NPDC1: variants seen among roughly 807,000 people sequenced by gnomAD.
NPDC1 encodes the protein neural proliferation, differentiation and control 1.
Under a neutral mutation model 32.5 loss-of-function variants are expected in NPDC1, and 18 were observed. The ratio of observed to expected loss-of-function variants is 0.55; its 90% CI spans 0.38 to 0.82. The LOEUF (loss-of-function observed/expected upper bound fraction) is 0.82. Ranked by LOEUF, NPDC1 falls within the 40% of genes least tolerant of loss-of-function variation. The pLI is 0.00. For synonymous variants in NPDC1, 210 were observed against 184.7 expected (o/e 1.14, Z -1.11); for missense variants, 468 against 406.6 (o/e 1.15, Z -1.30).
intron 7 of NPDC1, 23 bp from the exon 8 acceptor site, chr9:137,040,090 G>T (rs1270839246): frequency 1.3e-6 from 1 of 773,718 alleles, no homozygotes; most frequent in Non-Finnish European, 2.4e-6. Context: ...GGATCGCTGG[G>T]TCCTCCCCAT....
intron 1 of NPDC1, chr9:137,043,442 C>G: frequency 1.5e-6 from 1 of 647,654 alleles, no homozygotes; most frequent in Non-Finnish European, 2.9e-6. Context: ...GCCAGGAACC[C>G]CGTCCAGATT....
chr9:137,046,121 G>C lies in NPDC1; in HGVS notation c.-132C>G. Reference sequence around the variant, plus strand: ...AGGAAGAAGAGGCGGATGCCAAGGAGGAGGAGGAGGAAGAGGAAAGGCACG... The same window carrying C: ...AGGAAGAAGAGGCGGATGCCAAGGACGAGGAGGAGGAAGAGGAAAGGCACG... On this transcript the variant is annotated 5_prime_UTR_variant, in exon 1 of 9. Transcript: ENST00000371601. 2 of 1,092,948 alleles carry C rather than the reference G, an allele frequency of 1.8e-6. No homozygotes were observed. Among genetic ancestry groups the C allele is most frequent in the Non-Finnish European group, 2.2e-6 (2 of 898,210 alleles). 67.7% of individuals were successfully genotyped at this position (1,092,948 alleles called of 1,614,324 possible). A position where few individuals can be genotyped will look rare whatever the true frequency, so the allele number is the denominator to read the frequency against.
chr9:137,045,849 C>G lies in NPDC1; in HGVS notation c.112+29G>C, dbSNP rs1431876079. 10 of 1,002,992 alleles carry G rather than the reference C, an allele frequency of 1.0e-5. No homozygotes were observed. The East Asian group carries it at 1.0e-3, about 105-fold the overall frequency. The allele number at this position is 1,002,992 out of a possible 1,614,324, so 62.1% of individuals were successfully genotyped here. On this transcript the variant is annotated intron_variant, in intron 1 of 8. Coordinates refer to ENST00000371601, the MANE Select transcript of NPDC1 (RefSeq NM_015392.4). Reference sequence around the variant, plus strand: ...CGGCGATCCCGGCCCCGGGGCGCCCCGCGGCCTGCGCCCAGCGCGCTCGCT... The same window carrying G: ...CGGCGATCCCGGCCCCGGGGCGCCCGGCGGCCTGCGCCCAGCGCGCTCGCT...
rs547035650 is a variant in NPDC1 at position 137,042,050 on chromosome 9, C to T, written c.260-863G>A. Among the ~76,000 whole-genome samples the T allele has an allele frequency of 4.6e-5, 7 of 152,342 alleles. No individual in the cohort carries two copies. In the South Asian group the frequency reaches 6.2e-4, roughly 14 times the overall value. On this transcript the variant is annotated intron_variant, in intron 2 of 8. Coordinates refer to ENST00000371601, the MANE Select transcript of NPDC1 (RefSeq NM_015392.4). ...CGGGGAGAATGGGCCCTTCCTCTCCCGTGGCCATCCCAGCATTTCACATCG... is the reference window on the plus strand; with the variant it reads ...CGGGGAGAATGGGCCCTTCCTCTCCTGTGGCCATCCCAGCATTTCACATCG...
Position 137,039,770 on chromosome 9 carries a change from G to C in NPDC1, c.*2C>G, listed in dbSNP as rs887239329. ...GCAGGTGGGCGTCTGTCTGCCTCCA[G>C]GTCATGGCAGTGCAGGCGGTGAGCT... is the stretch of plus-strand genomic sequence containing the variant. On this transcript the variant is annotated 3_prime_UTR_variant, in exon 9 of 9. Coordinates refer to ENST00000371601, the MANE Select transcript of NPDC1 (RefSeq NM_015392.4). The C allele has an allele frequency of 2.6e-6, 2 of 769,332 alleles. No individual in the cohort carries two copies. Among genetic ancestry groups the C allele is most frequent in the South Asian group, 1.3e-5 (1 of 74,316 alleles). The allele number at this position is 769,332 out of a possible 1,614,324, so 47.7% of individuals were successfully genotyped here. A position where few individuals can be genotyped will look rare whatever the true frequency, so the allele number is the denominator to read the frequency against.
At chr9:137,044,377 G>A (rs974331745) in intron 1 of NPDC1, among the ~76,000 whole-genome samples, 3 of 152,086 alleles carry the variant, frequency 2.0e-5, no homozygotes, top group African/African-American at 7.2e-5. Context: ...CCGCCAACTT[G>A]GCACCTGGGG....
intron 1 of NPDC1, 45 bp from the exon 2 acceptor site, chr9:137,043,118 G>C (rs998706191): frequency 7.4e-5 from 118 of 1,600,832 alleles, no homozygotes; most frequent in Non-Finnish European, 9.8e-5. Flanking sequence ...GCCCCGCAGG[G>C]CTCGGCCCCT....
chr9:137,043,448 A>G (rs1197575856), intron 1 of NPDC1: 7 of 640,460 alleles, frequency 1.1e-5, no homozygotes, highest in Non-Finnish European at 2.0e-5. Context: ...AACCCCGTCC[A>G]GATTGGGAGT....
rs1233539721 is a variant in NPDC1 at position 137,045,926 on chromosome 9, C to T, written c.64G>A (p.Gly22Ser). The part of the protein sequence containing the change: ...HLRLLRLLLS[G>S]LVLGAALRGA... ...CGCAGGGCGGCGCCGAGGACGAGGC[C>T]GGAGAGCAGCAGCCGCAGCAGCCGC... The change falls in exon 1 of 9, where the codon GGC becomes AGC. Residue 22 changes from glycine (G) to serine (S), a missense_variant. By Grantham distance (56) the Gly-to-Ser change is moderately conservative. Coordinates refer to ENST00000371601, the MANE Select transcript of NPDC1 (RefSeq NM_015392.4). 12 of 1,175,290 alleles carry T rather than the reference C, an allele frequency of 1.0e-5. No individual in the cohort carries two copies. Among genetic ancestry groups the T allele is most frequent in the Non-Finnish European group, 1.3e-5 (12 of 952,024 alleles). The allele number at this position is 1,175,290 out of a possible 1,614,324, so 72.8% of individuals were successfully genotyped here. A position where few individuals can be genotyped will look rare whatever the true frequency, so the allele number is the denominator to read the frequency against.
Position 137,044,119 on chromosome 9 carries a change from G to T in NPDC1, c.113-1046C>A, listed in dbSNP as rs143313891. 1.5e-3 allele frequency: 226 copies of T among 152,590 alleles called. 1 individual carries two copies. Among genetic ancestry groups the T allele is most frequent in the South Asian group, 3.3e-3 (16 of 4,832 alleles). 9.5% of individuals were successfully genotyped at this position (152,590 alleles called of 1,614,324 possible). A position where few individuals can be genotyped will look rare whatever the true frequency, so the allele number is the denominator to read the frequency against. ...GCAGGCAGGGCCACGGGGGCCACAC[G>T]GGGCATCATCCTTCTCCAGACCTTG... On this transcript the variant is annotated intron_variant, in intron 1 of 8. Coordinates refer to ENST00000371601, the MANE Select transcript of NPDC1 (RefSeq NM_015392.4).
At position 137,040,807 on chromosome 9, in the gene NPDC1, G is replaced by C. The variant is rs771972068; in HGVS notation, c.556+7C>G. The C allele has an allele frequency of 3.1e-6, 5 of 1,591,142 alleles. No homozygotes were observed. In the African/African-American group the frequency reaches 6.7e-5, roughly 21 times the overall value. ...GCTGCCCCTGCCCACCCCCGACCAAGACCTACCAAGGGCGAGGCCGTCGCC... is the reference window on the plus strand; with the variant it reads ...GCTGCCCCTGCCCACCCCCGACCAACACCTACCAAGGGCGAGGCCGTCGCC... On this transcript the variant is annotated splice_region_variant and intron_variant, in intron 4 of 8. Coordinates refer to ENST00000371601, the MANE Select transcript of NPDC1 (RefSeq NM_015392.4).
Position 137,046,118 on chromosome 9 carries a change from G to A in NPDC1, c.-129C>T, listed in dbSNP as rs890715282. On this transcript the variant is annotated 5_prime_UTR_variant, in exon 1 of 9. Transcript: ENST00000371601. ...AGGAGGAAGAAGAGGCGGATGCCAA[G>A]GAGGAGGAGGAGGAAGAGGAAAGGC... 15 of 1,065,796 alleles carry A rather than the reference G, an allele frequency of 1.4e-5. No homozygotes were observed. Among genetic ancestry groups the A allele is most frequent in the Non-Finnish European group, 1.6e-5 (14 of 878,922 alleles). 66.0% of individuals were successfully genotyped at this position (1,065,796 alleles called of 1,614,324 possible).
rs1265403187 is a variant in NPDC1, at chr9:137,040,921, G to A, written c.449C>T (p.Thr150Ile). 7.0e-6 allele frequency: 11 copies of A among 1,565,690 alleles called. No homozygotes were observed. Among genetic ancestry groups the A allele is most frequent in the African/African-American group, 1.4e-5 (1 of 73,038 alleles). ...GGAGGTGTGGGGCGTGGGCGTGGGG[G>A]TTCCTGGAGTGGAGGGGAGGCCCAG... ...LELGLPSTPGTPTPTPHTSLG... is the reference protein window; with the variant it reads ...LELGLPSTPGIPTPTPHTSLG... Residue 150 changes from threonine (T) to isoleucine (I), a missense_variant, in exon 4 of 9, where the codon ACC becomes ATC. Transcript: ENST00000371601.
rs781322903 is a variant in NPDC1 at position 137,040,357 on chromosome 9, C to A, written c.788G>T (p.Arg263Leu). ...HQRQQMLCLE[R>L]HKEPPKELDT... ...TGGCAGTGCCGGGGCGGCCACTCAC[C>A]GCTCCAGGCACAGCATCTGTTGCCG... Residue 263 changes from arginine (R) to leucine (L), a missense_variant and splice_region_variant, in exon 7 of 9, where the codon CGG becomes CTG. Physicochemically the swap from Arg to Leu is moderately radical, Grantham distance 102. Transcript: ENST00000371601. The A allele has an allele frequency of 2.3e-5, 35 of 1,542,106 alleles. No homozygotes were observed. The South Asian group carries it at 4.2e-4, about 18-fold the overall frequency.
intron 2 of NPDC1, among the ~76,000 whole-genome samples, chr9:137,042,251 GGCT>G (rs1318278499): frequency 6.6e-5 from 10 of 152,136 alleles, no homozygotes; most frequent in East Asian, 1.9e-4. Flanking sequence ...TGAGGCTGCA[GGCT>G]GCTGCTTTTT....
intron 1 of NPDC1, among the ~76,000 whole-genome samples, chr9:137,044,439 A>G (rs1832100539): frequency 6.6e-6 from 1 of 152,178 alleles, no homozygotes; most frequent in African/African-American, 2.4e-5. Flanking sequence ...ACCACGCCAA[A>G]GGCAGGGGCC....
intron 2 of NPDC1, among the ~76,000 whole-genome samples, chr9:137,042,322 C>T (rs1484770322): frequency 3.9e-5 from 6 of 151,938 alleles, no homozygotes; most frequent in East Asian, 3.9e-4. Context: ...GGCGCGATCT[C>T]GGCTCACTGC....
Position 137,043,041 on chromosome 9 carries a change from C to A in NPDC1, c.145G>T (p.Ala49Ser). Residue 49 changes from alanine to serine, a missense_variant, in exon 2 of 9, where the codon GCC becomes TCC. By Grantham distance (99) the Ala-to-Ser change is moderately conservative. Coordinates refer to ENST00000371601, the MANE Select transcript of NPDC1 (RefSeq NM_015392.4). ...VAACPGSLDC[A>S]LKRRARCPPG... Reference sequence around the variant, plus strand: ...GGACACCTTGCCCGCCTCTTCAGGGCACAGTCCAGGCTCCCGGGACAGGCG... The same window carrying A: ...GGACACCTTGCCCGCCTCTTCAGGGAACAGTCCAGGCTCCCGGGACAGGCG... 4 of 1,612,874 alleles carry A rather than the reference C, an allele frequency of 2.5e-6. No homozygotes were observed. Among genetic ancestry groups the A allele is most frequent in the Non-Finnish European group, 3.4e-6 (4 of 1,179,952 alleles).
At chr9:137,044,911 C>T (rs1383002878) in intron 1 of NPDC1, among the ~76,000 whole-genome samples, 1 of 152,262 alleles carries the variant, frequency 6.6e-6, no homozygotes, top group African/African-American at 2.4e-5. Context: ...CACTCTGGCC[C>T]CTTGAGGCCA....
Sources: gnomAD v4.1 joint callset for allele counts (sites outside exome capture counted in the v4.1 genomes callset) on GRCh38, gnomAD v4.1.1 for gene constraint, MANE v1.5 for transcripts, NCBI Gene and HGNC (gene_info 2026-07-23, HGNC 2026-07-21) for gene names.